The following TTC7B variants were observed in gnomAD, a reference collection of about 807,000 sequenced individuals.
TTC7B encodes tetratricopeptide repeat protein 7B.
Under a neutral mutation model 106.8 loss-of-function variants are expected in TTC7B, and 28 were observed. The observed-to-expected ratio is 0.26, with a 90% CI of 0.19 to 0.36. TTC7B has a LOEUF of 0.36. Among genes scored for constraint, TTC7B ranks in the 10% least tolerant of loss-of-function variants. The pLI is 1.00. For missense variants in TTC7B, 862 were observed against 1,076.4 expected (o/e 0.80, Z 2.79); for synonymous variants, 405 against 430.6 (o/e 0.94, Z 0.74).
intron 15 of TTC7B, among the ~76,000 whole-genome samples, 184 bp from the exon 16 acceptor site, chr14:90,618,229 A>T (rs1162439611): frequency 6.6e-6 from 1 of 152,234 alleles, no homozygotes; most frequent in Non-Finnish European, 1.5e-5. Flanking sequence ...TGCTTTGCAC[A>T]AGTCTCACCA....
At chr14:90,716,749 A>G (rs899109776) in intron 5 of TTC7B, among the ~76,000 whole-genome samples, 2 of 152,204 alleles carry the variant, frequency 1.3e-5, no homozygotes, top group Non-Finnish European at 2.9e-5. Context: ...ATAGCTTTAG[A>G]TTCTTCCTGG....
At chr14:90,626,088 C>T (rs909620464) in intron 15 of TTC7B, among the ~76,000 whole-genome samples, 15 of 152,086 alleles carry the variant, frequency 9.9e-5, no homozygotes, top group Admixed American at 8.5e-4. Context: ...GGGATTCATG[C>T]GCAAATTTAA....
At chr14:90,724,053 A>G (rs1050651881) in intron 5 of TTC7B, among the ~76,000 whole-genome samples, 1 of 152,108 alleles carries the variant, frequency 6.6e-6, no homozygotes. Context: ...GTACAGTTCT[A>G]ACTCCACACT....
At chr14:90,752,061 A>T (rs1890154566) in intron 3 of TTC7B, among the ~76,000 whole-genome samples, 1 of 152,224 alleles carries the variant, frequency 6.6e-6, no homozygotes, top group South Asian at 2.1e-4. Context: ...CCAATGGGAC[A>T]TCACACGGGG....
At chr14:90,573,911 C>T (rs947540799) in intron 19 of TTC7B, among the ~76,000 whole-genome samples, 3 of 152,246 alleles carry the variant, frequency 2.0e-5, no homozygotes, top group Non-Finnish European at 4.4e-5. Context: ...TTCTTGGCTC[C>T]CTTCCATGTT....
intron 2 of TTC7B, among the ~76,000 whole-genome samples, chr14:90,784,444 C>A (rs900823040): frequency 3.3e-5 from 5 of 152,056 alleles, no homozygotes; most frequent in Non-Finnish European, 7.4e-5. Flanking sequence ...GTAGTCCCAG[C>A]TAGTCAGGAG....
chr14:90,758,362 C>A (rs1251407145), intron 3 of TTC7B, among the ~76,000 whole-genome samples: 11 of 128,562 alleles, frequency 8.6e-5, no homozygotes, highest in African/African-American at 3.2e-4. Context: ...GGGGCGAGAG[C>A]GCAAGGAGGG....
chr14:90,743,824 A>T (rs1889858346), intron 4 of TTC7B, among the ~76,000 whole-genome samples: 1 of 152,228 alleles, frequency 6.6e-6, no homozygotes, highest in Non-Finnish European at 1.5e-5. Context: ...AGTAAAGAGT[A>T]GAACCCAAAG....
At chr14:90,727,668 C>T (rs1889161091) in intron 5 of TTC7B, among the ~76,000 whole-genome samples, 1 of 152,156 alleles carries the variant, frequency 6.6e-6, no homozygotes. Flanking sequence ...TCAGTGAGTC[C>T]TCAGGAATGA....
At chr14:90,641,053 T>C (rs979450808) in intron 15 of TTC7B, among the ~76,000 whole-genome samples, 3 of 152,218 alleles carry the variant, frequency 2.0e-5, no homozygotes, top group Non-Finnish European at 2.9e-5. Context: ...GAAGAAAGAA[T>C]TCCTGATTCT....
chr14:90,731,551 C>T (rs909058669), intron 4 of TTC7B, among the ~76,000 whole-genome samples: 3 of 152,194 alleles, frequency 2.0e-5, no homozygotes, highest in African/African-American at 7.2e-5. Context: ...GCAACCCTTG[C>T]ATGTGAACCG....
chr14:90,728,337 C>CAAAAAA (rs35504744), intron 5 of TTC7B, among the ~76,000 whole-genome samples: 1 of 40,048 alleles, frequency 2.5e-5, no homozygotes. Context: ...GTCCCCCCCG[C>CAAAAAA]AAAAAAAAAA....
chr14:90,711,416 G>C (rs1339528805), intron 5 of TTC7B, among the ~76,000 whole-genome samples: 1 of 152,172 alleles, frequency 6.6e-6, no homozygotes, highest in Non-Finnish European at 1.5e-5. Context: ...ATAATCCATA[G>C]AGAAAACAGA....
rs564476632 is a variant in TTC7B at position 90,796,133 on chromosome 14, G to C, written c.122-9805C>G. 3.3e-5 allele frequency among the ~76,000 whole-genome samples: 5 copies of C among 152,276 alleles called. No homozygotes were observed. In the South Asian group the frequency reaches 8.3e-4, roughly 25 times the overall value. ...GCCCAGCTTCCCTCCCAACCAGCTG[G>C]GTGACCCCGGCCCACTTAACCCCTC... On this transcript the variant is annotated intron_variant, in intron 1 of 19. Coordinates refer to ENST00000328459, the MANE Select transcript of TTC7B (RefSeq NM_001010854.2).
At chr14:90,689,400 T>C in intron 7 of TTC7B, 140 bp downstream of exon 7, 1 of 725,998 alleles carries the variant, frequency 1.4e-6, no homozygotes, top group Non-Finnish European at 2.2e-6. Flanking sequence ...GAGGAATCTC[T>C]ACTAAACTGG....
intron 19 of TTC7B, among the ~76,000 whole-genome samples, chr14:90,566,006 AATTTC>A (rs1890778206): frequency 6.6e-6 from 1 of 152,182 alleles, no homozygotes; most frequent in African/African-American, 2.4e-5. Context: ...ATATTGTGAG[AATTTC>A]CAAAGTGTGA....
At chr14:90,741,700 C>T (rs909264493) in intron 4 of TTC7B, among the ~76,000 whole-genome samples, 38 of 152,182 alleles carry the variant, frequency 2.5e-4, no homozygotes, top group African/African-American at 8.4e-4. Context: ...TCAAGTATCT[C>T]TTGCATAACA....
At chr14:90,740,443 C>A (rs1873831886) in intron 4 of TTC7B, among the ~76,000 whole-genome samples, 1 of 149,820 alleles carries the variant, frequency 6.7e-6, no homozygotes, top group South Asian at 2.1e-4. Flanking sequence ...AAGGGAAAAG[C>A]AAATTCTCCC....
At chr14:90,604,430 A>G (rs1295368908) in intron 17 of TTC7B, among the ~76,000 whole-genome samples, 4 of 152,242 alleles carry the variant, frequency 2.6e-5, no homozygotes, top group South Asian at 4.1e-4. Context: ...TAATATGCAG[A>G]TAAGTACGGT....
Sources: gnomAD v4.1 joint callset for allele counts (sites outside exome capture counted in the v4.1 genomes callset) on GRCh38, gnomAD v4.1.1 for gene constraint, MANE v1.5 for transcripts, NCBI Gene and HGNC (gene_info 2026-07-23, HGNC 2026-07-21) for gene names.